Variants in GFAP observed in about 807,000 individuals in gnomAD.
GFAP encodes the protein glial fibrillary acidic protein, also known as intermediate filament protein.
In GFAP, 38 loss-of-function variants were observed where a neutral mutation model predicts 49.3. That is an observed-to-expected ratio of 0.77 (90% CI 0.60 to 1.01). The LOEUF (loss-of-function observed/expected upper bound fraction) is 1.01. GFAP is among the 50% of genes least tolerant of loss of function. The probability of loss-of-function intolerance (pLI) is 0.00; values close to 1 mark genes in which losing one functional copy is unlikely to be tolerated. For missense variants in GFAP, 463 were observed against 579.1 expected (o/e 0.80, Z 2.06); for synonymous variants, 222 against 236.4 (o/e 0.94, Z 0.56).
chr17:44,914,170 G>C, intron 1 of GFAP, 82 bp from the exon 2 acceptor site: 1 of 1,021,088 alleles, frequency 9.8e-7, no homozygotes, highest in South Asian at 1.4e-5. Flanking sequence ...TGAGGCAGCT[G>C]TCACAGAGAC....
In GFAP at chr17:44,909,842, C is replaced by G. The variant is rs928342709; in HGVS notation, c.1171+773G>C. 4.8e-6 allele frequency: 6 copies of G among 1,241,110 alleles called. No homozygotes were observed. In the Admixed American group the frequency reaches 1.5e-4, roughly 31 times the overall value. 76.9% of individuals were successfully genotyped at this position (1,241,110 alleles called of 1,614,324 possible). On this transcript the variant is annotated intron_variant, in intron 7 of 8. Transcript: ENST00000588735. ...GCACAGCGAGACCCAAGGGGCCCTC[C>G]CAGTGACAGGAAGAGGTGAGACAGA...
At chr17:44,910,775 ACTCCAT>A in intron 6 of GFAP, 117 bp from the exon 7 acceptor site, 2 of 1,444,884 alleles carry the variant, frequency 1.4e-6, no homozygotes, top group Non-Finnish European at 1.9e-6. Context: ...GGAAAGTCTA[ACTCCAT>A]CTCCTAGCTT....
In GFAP at chr17:44,905,059, C is replaced by T. The variant is rs1273313349; in HGVS notation, c.*2288G>A. ...GCTACTTATTTCACTGTTGTCCCAG[C>T]TTCTCCCCCTAGGAGCTCTCTTCAG... On this transcript the variant is annotated 3_prime_UTR_variant, in exon 9 of 9. Transcript: ENST00000588735. 2 of 1,541,488 alleles carry T rather than the reference C, an allele frequency of 1.3e-6. No homozygotes were observed. The highest frequency in any genetic ancestry group is 1.4e-5 in the African/African-American group (1 of 72,966).
Position 44,904,981 on chromosome 17 carries a change from C to A in GFAP, c.*2366G>T. 6.4e-7 allele frequency: 1 copy of A among 1,550,816 alleles called. No individual in the cohort carries two copies. The highest frequency in any genetic ancestry group is 2.4e-5 in the East Asian group (1 of 40,928). On this transcript the variant is annotated 3_prime_UTR_variant, in exon 9 of 9. Transcript: ENST00000588735. The stretch of plus-strand genomic sequence containing the variant: ...CGGCTGTGGAGCTCACCCTGATAGG[C>A]TACCTGCTCATCACAGCAGTCTTTG...
chr17:44,904,847 C>T lies in GFAP; in HGVS notation c.*2500G>A, dbSNP rs112032118. The stretch of plus-strand genomic sequence containing the variant: ...CATCCGCTTCACCCAGCTGGATGAC[C>T]GGGGCATCTACTATTGCTGGAGGCA... On this transcript the variant is annotated 3_prime_UTR_variant, in exon 9 of 9. Transcript: ENST00000588735. 7.1e-5 allele frequency: 110 copies of T among 1,550,662 alleles called. 1 individual carries two copies. The highest frequency in any genetic ancestry group is 3.3e-4 in the African/African-American group (24 of 73,160).
intron 1 of GFAP, 73 bp from the exon 2 acceptor site, chr17:44,914,161 G>A (rs1008600182): frequency 8.8e-7 from 1 of 1,134,094 alleles, no homozygotes; most frequent in South Asian, 1.3e-5. Context: ...AGTCTCCCTT[G>A]AGGCAGCTGT....
Position 44,904,844 on chromosome 17 carries a change from G to A in GFAP, c.*2503C>T. The A allele has an allele frequency of 6.4e-7, 1 of 1,550,612 alleles. No individual in the cohort carries two copies. The highest frequency in any genetic ancestry group is 8.7e-7 in the Non-Finnish European group (1 of 1,146,954). On this transcript the variant is annotated 3_prime_UTR_variant, in exon 9 of 9. Transcript: ENST00000588735. ...CCACATCCGCTTCACCCAGCTGGAT[G>A]ACCGGGGCATCTACTATTGCTGGAG...
intron 7 of GFAP, 186 bp from the exon 8 acceptor site, chr17:44,908,335 C>CCAAGTCCTGGCTGCTCTGTCCAGTG: frequency 2.0e-6 from 1 of 503,930 alleles, no homozygotes; most frequent in Non-Finnish European, 3.5e-6. Flanking sequence ...GTGCTGCTGC[C>CCAAGTCCTGGCTGCTCTGTCCAGTG]AGAGTCCTGG....
At chr17:44,911,550 C>CG (rs1364847021) in intron 5 of GFAP, 94 bp from the exon 6 acceptor site, 3 of 1,561,102 alleles carry the variant, frequency 1.9e-6, no homozygotes, top group East Asian at 2.3e-5. Context: ...GCCTCTAGCC[C>CG]GGGGGTAACG....
At position 44,906,242 on chromosome 17, in the gene GFAP, C is replaced by G. The variant is rs1033241397; in HGVS notation, c.*1105G>C. 6.6e-6 allele frequency: 1 copy of G among 152,304 alleles called. No individual in the cohort carries two copies. The highest frequency in any genetic ancestry group is 2.4e-5 in the African/African-American group (1 of 41,432). The allele number at this position is 152,304 out of a possible 1,614,324, so 9.4% of individuals were successfully genotyped here. On this transcript the variant is annotated 3_prime_UTR_variant, in exon 9 of 9. Transcript: ENST00000588735. ...CTGCCCCCATGGATACATCCCCTTT[C>G]TCTCCTGTTTCAGCATCTTCAAGAG...
Position 44,915,256 on chromosome 17 carries a change from A to G in GFAP, c.231T>C (p.Asn77=), listed in dbSNP as rs149404477. 5 of 1,614,064 alleles carry G rather than the reference A, an allele frequency of 3.1e-6. No individual in the cohort carries two copies. Among genetic ancestry groups the G allele is most frequent in the Middle Eastern group, 1.6e-4 (1 of 6,084 alleles). ...TCTCGATGTAGCTGGCAAAGCGGTC[A>G]TTGAGCTCCATCATCTCTGCCCGCT... The part of the protein sequence containing the change: ...ASERAEMMEL[N]DRFASYIEKV... Residue 77 remains asparagine (N), a synonymous_variant, in exon 1 of 9, where the codon AAT becomes AAC. Coordinates refer to ENST00000588735, the MANE Select transcript of GFAP (RefSeq NM_002055.5). The surrounding 1 kb of genome is among the most constrained non-coding windows in gnomAD (Gnocchi z 4.1).
chr17:44,904,192 C>A lies in GFAP; in HGVS notation c.*3155G>T. 1 of 1,550,554 alleles carries A rather than the reference C, an allele frequency of 6.4e-7. No homozygotes were observed. Among genetic ancestry groups the A allele is most frequent in the South Asian group, 1.2e-5 (1 of 84,042 alleles). ...TCAGGGCTCAGTCTGAGGACTCAGG[C>A]CTGTACTTCTGCGGCACCCGCAAGG... On this transcript the variant is annotated 3_prime_UTR_variant, in exon 9 of 9. Coordinates refer to ENST00000588735, the MANE Select transcript of GFAP (RefSeq NM_002055.5).
chr17:44,911,113 G>A, intron 6 of GFAP, 123 bp downstream of exon 6: 1 of 840,286 alleles, frequency 1.2e-6, no homozygotes, highest in Non-Finnish European at 2.0e-6. Context: ...CACTGTGCTG[G>A]GCATTGAGGT....
chr17:44,911,006 C>A (rs998729349), intron 6 of GFAP: 20 of 616,190 alleles, frequency 3.2e-5, no homozygotes, highest in Non-Finnish European at 5.8e-5. Context: ...GAGGGTGACC[C>A]AAGTCCTTGG....
intron 7 of GFAP, chr17:44,909,889 C>T: frequency 2.2e-6 from 3 of 1,349,000 alleles, no homozygotes; most frequent in East Asian, 3.0e-5. Flanking sequence ...GCTCAGAGGC[C>T]CCAGAGCAGC....
In GFAP at chr17:44,904,198, C is replaced by G. The variant is rs780559028; in HGVS notation, c.*3149G>C. ...CTCAGTCTGAGGACTCAGGCCTGTA[C>G]TTCTGCGGCACCCGCAAGGGGGACT... On this transcript the variant is annotated 3_prime_UTR_variant, in exon 9 of 9. Coordinates refer to ENST00000588735, the MANE Select transcript of GFAP (RefSeq NM_002055.5). 5.2e-6 allele frequency: 8 copies of G among 1,550,588 alleles called. No homozygotes were observed. The highest frequency in any genetic ancestry group is 1.7e-4 in the Middle Eastern group (1 of 5,990).
Position 44,913,718 on chromosome 17 carries a change from C to G in GFAP, c.618+10G>C. The G allele has an allele frequency of 6.2e-7, 1 of 1,600,018 alleles. No homozygotes were observed. The highest frequency in any genetic ancestry group is 1.3e-5 in the African/African-American group (1 of 74,800). On this transcript the variant is annotated intron_variant, in intron 3 of 8. Coordinates refer to ENST00000588735, the MANE Select transcript of GFAP (RefSeq NM_002055.5). ...TGTGTTGAGCTTTCCTCCCTCTGCC[C>G]TGGCCTCACCTCCTCGTGGATCTTC...
intron 1 of GFAP, 79 bp from the exon 2 acceptor site, chr17:44,914,167 G>GGTATT: frequency 9.3e-7 from 1 of 1,072,442 alleles, no homozygotes; most frequent in Non-Finnish European, 1.4e-6. Context: ...CCTTGAGGCA[G>GGTATT]CTGTCACAGA....
intron 1 of GFAP, 36 bp downstream of exon 1, chr17:44,914,990 T>C: frequency 2.6e-6 from 4 of 1,566,754 alleles, no homozygotes; most frequent in African/African-American, 1.3e-5. Context: ...CAGCCCCTTC[T>C]GCTCACAAGG....
Sources: gnomAD v4.1 joint callset for allele counts on GRCh38, gnomAD v4.1.1 for gene constraint, Gnocchi (gnomAD v3.1) non-coding constraint, MANE v1.5 for transcripts, NCBI Gene and HGNC (gene_info 2026-07-23, HGNC 2026-07-21) for gene names.